Variants in ZNF676 observed in about 807,000 individuals in gnomAD.
ZNF676 encodes the protein zinc finger protein 676.
A neutral mutation model predicts 6.0 loss-of-function variants in ZNF676; 4 were observed. The observed-to-expected ratio is 0.67, with a 90% confidence interval of 0.33 to 1.53. ZNF676 has a LOEUF of 1.53. Among genes scored for constraint, ZNF676 ranks in the 40% most tolerant of loss-of-function variants. ZNF676 has a pLI of 0.06. For missense variants in ZNF676, 644 were observed against 679.7 expected, an observed-to-expected ratio of 0.95 and a Z score of 0.58; for synonymous variants, 198 against 223.1, an observed-to-expected ratio of 0.89 and a Z score of 1.00.
rs201042215 is a variant in ZNF676, at chr19:22,180,279, C to A, written c.1438G>T (p.Glu480Ter). 2.5e-4 allele frequency: 406 copies of A among 1,612,778 alleles called. No individual in the cohort carries two copies. The highest frequency in any genetic ancestry group is 6.2e-4 in the South Asian group (56 of 91,054). The change falls in exon 3 of 3, where the codon GAA (glutamate) becomes TAA (stop). Residue 480 changes from glutamate (E) to a stop codon, truncating the protein, a stop_gained. Coordinates refer to ENST00000397121, the MANE Select transcript of ZNF676 (RefSeq NM_001001411.3). LOFTEE classifies it low-confidence loss of function (END_TRUNC). ...GTACTAAAGCCTTTGCCACATTCTTCACATTTGTAAGGTTTCTCTGCAGCA... is the reference window on the plus strand; with the variant it reads ...GTACTAAAGCCTTTGCCACATTCTTAACATTTGTAAGGTTTCTCTGCAGCA... The part of the protein sequence containing the change: ...IHAAEKPYKC[E>*]ECGKGFSTFS...
At chr19:22,259,399 C>CCT in the ZNF676 span, among the ~76,000 whole-genome samples, 1 of 152,120 alleles carries the variant, frequency 6.6e-6, no homozygotes, top group Admixed American at 6.6e-5. Context: ...AGTGATATGT[C>CCT]ACAATCTCCT....
the ZNF676 span, chr19:22,244,820 C>T: frequency 1.3e-5 from 2 of 152,244 alleles, no homozygotes; most frequent in South Asian, 2.1e-4. Context: ...GCCTCTGATC[C>T]AGTCCTGTAG....
chr19:22,189,393 G>A (rs2023875781), intron 2 of ZNF676, among the ~76,000 whole-genome samples: 1 of 151,720 alleles, frequency 6.6e-6, no homozygotes, highest in Non-Finnish European at 1.5e-5. Flanking sequence ...TAAAGATGAT[G>A]TAATACCCCA....
rs1216189068 is a variant in ZNF676 at position 22,181,427 on chromosome 19, CCTT to C, written c.287_289del (p.Glu96del). 21 of 1,613,524 alleles carry C rather than the reference CCTT, an allele frequency of 1.3e-5. No homozygotes were observed. Among genetic ancestry groups the C allele is most frequent in the East Asian group, 2.2e-5 (1 of 44,818 alleles). ...TAAACTCTGGTTAAGTTTATTATAA[CCTT>C]CTTTGTGCACGTTACACTCATCCAC... On this transcript the variant is annotated inframe_deletion, in exon 3 of 3. Coordinates refer to ENST00000397121, the MANE Select transcript of ZNF676 (RefSeq NM_001001411.3).
chr19:22,229,881 C>T, the ZNF676 span, among the ~76,000 whole-genome samples: 1 of 152,130 alleles, frequency 6.6e-6, no homozygotes, highest in African/African-American at 2.4e-5. Flanking sequence ...GAAATAGGAA[C>T]ACTTTCACAC....
chr19:22,210,207 A>G (rs1029341707), intron 1 of ZNF676, among the ~76,000 whole-genome samples: 2 of 152,030 alleles, frequency 1.3e-5, no homozygotes, highest in Admixed American at 6.6e-5. Flanking sequence ...TCTGGCACCA[A>G]ATCTGCAGAG....
chr19:22,232,233 T>A, the ZNF676 span, among the ~76,000 whole-genome samples: 2 of 151,936 alleles, frequency 1.3e-5, no homozygotes, highest in East Asian at 1.9e-4. Context: ...AGTGGTGTGA[T>A]CTTGGCTCAC....
intron 2 of ZNF676, 107 bp from the exon 3 acceptor site, chr19:22,181,693 T>C (rs559925908): frequency 3.9e-5 from 32 of 829,600 alleles, no homozygotes; most frequent in Non-Finnish European, 5.2e-5. Context: ...CAAGACGACA[T>C]TGCAATATGA....
chr19:22,225,368 A>G, the ZNF676 span, among the ~76,000 whole-genome samples: 1 of 151,980 alleles, frequency 6.6e-6, no homozygotes, highest in Admixed American at 6.6e-5. Flanking sequence ...GGACATATAG[A>G]TTACTTCAGC....
At chr19:22,214,080 G>A (rs528416131) in intron 1 of ZNF676, among the ~76,000 whole-genome samples, 8 of 152,216 alleles carry the variant, frequency 5.3e-5, no homozygotes, top group South Asian at 4.1e-4. Flanking sequence ...ACAAATAGTT[G>A]ATCATGTGAA....
rs1398370838 is a variant in ZNF676, at chr19:22,179,752, C to T, written c.*198G>A. 1.8e-5 allele frequency: 14 copies of T among 771,400 alleles called. No homozygotes were observed. The highest frequency in any genetic ancestry group is 8.9e-5 in the South Asian group (6 of 67,040). The allele number at this position is 771,400 out of a possible 1,614,324, so 47.8% of individuals were successfully genotyped here. On this transcript the variant is annotated 3_prime_UTR_variant, in exon 3 of 3. Coordinates refer to ENST00000397121, the MANE Select transcript of ZNF676 (RefSeq NM_001001411.3). ...CTTATGTTCCACAAGGTTTGAGGACCGGTTGAAGCCTTTGTCACATTCTTC... is the reference window on the plus strand; with the variant it reads ...CTTATGTTCCACAAGGTTTGAGGACTGGTTGAAGCCTTTGTCACATTCTTC...
At chr19:22,193,791 C>T (rs1038698816) in intron 1 of ZNF676, among the ~76,000 whole-genome samples, 43 of 152,108 alleles carry the variant, frequency 2.8e-4, no homozygotes, top group African/African-American at 1.0e-3. Context: ...CAATCTGCAA[C>T]ATCTTTTACA....
chr19:22,217,547 C>T (rs1293954261), upstream of ZNF676, among the ~76,000 whole-genome samples: 161 of 151,514 alleles, frequency 1.1e-3, 3 homozygotes, highest in Admixed American at 0.01. Context: ...GCTTAGCTCC[C>T]GTTTATAAGT....
At chr19:22,234,293 A>C in the ZNF676 span, among the ~76,000 whole-genome samples, 3 of 152,186 alleles carry the variant, frequency 2.0e-5, no homozygotes, top group Admixed American at 1.3e-4. Context: ...GGAACTCCCC[A>C]TTAGGTCATC....
chr19:22,208,001 A>C (rs917387077), intron 1 of ZNF676, among the ~76,000 whole-genome samples: 3 of 151,676 alleles, frequency 2.0e-5, no homozygotes, highest in Middle Eastern at 3.4e-3. Flanking sequence ...AAAAAAACAA[A>C]AAACCCTGGA....
chr19:22,191,841 AAAG>A lies in ZNF676; in HGVS notation c.130+1172_130+1174del, dbSNP rs113456472. On this transcript the variant is annotated intron_variant, in intron 2 of 2. Transcript: ENST00000397121. ...ATTCTATCACCCTGGGGGCCCCAAA[AAAG>A]AAGATTTTTACCCTCTGAAACCAGT... is the stretch of plus-strand genomic sequence containing the variant. Among the ~76,000 whole-genome samples the A allele has an allele frequency of 3.9e-3, 592 of 152,286 alleles. 2 individuals are homozygous for A. The highest frequency in any genetic ancestry group is 0.013 in the African/African-American group (530 of 41,568).
chr19:22,179,326 G>C lies in ZNF676; in HGVS notation c.*624C>G, dbSNP rs1307410073. On this transcript the variant is annotated 3_prime_UTR_variant, in exon 3 of 3. Transcript: ENST00000397121. ...TTAGCCTATGTTTCTTAAGAATTGA[G>C]GATCTGTTAGAGGCTTTCCCACATT... is the stretch of plus-strand genomic sequence containing the variant. The C allele has an allele frequency of 2.1e-5, 4 of 189,498 alleles. No individual in the cohort carries two copies. Among genetic ancestry groups the C allele is most frequent in the Non-Finnish European group, 3.4e-5 (3 of 88,976 alleles). The allele number at this position is 189,498 out of a possible 1,614,324, so 11.7% of individuals were successfully genotyped here. A position where few individuals can be genotyped will look rare whatever the true frequency, so the allele number is the denominator to read the frequency against.
At chr19:22,242,485 A>C in the ZNF676 span, among the ~76,000 whole-genome samples, 5 of 151,950 alleles carry the variant, frequency 3.3e-5, no homozygotes, top group African/African-American at 1.2e-4. Context: ...CCTCCTGTGG[A>C]CAGGCCACAG....
At chr19:22,234,962 GAGAAAGAA>G in the ZNF676 span, among the ~76,000 whole-genome samples, 11,489 of 101,088 alleles carry the variant, frequency 0.11, 834 homozygotes, top group Non-Finnish European at 0.13. Flanking sequence ...AAGAAAGCAA[GAGAAAGAA>G]AGAAAGAAAG....
Sources: gnomAD v4.1 joint callset for allele counts (sites outside exome capture counted in the v4.1 genomes callset) on GRCh38, gnomAD v4.1.1 for gene constraint, MANE v1.5 for transcripts, NCBI Gene and HGNC (gene_info 2026-07-23, HGNC 2026-07-21) for gene names.